MFHAS1: variants seen among roughly 807,000 people sequenced by gnomAD.
The protein encoded by MFHAS1 is malignant fibrous histiocytoma-amplified sequence 1.
In MFHAS1, 50 loss-of-function variants were observed where a neutral mutation model predicts 70.4. The observed-to-expected ratio is 0.71, with a 90% confidence interval of 0.57 to 0.90. MFHAS1 has a LOEUF of 0.90. Ranked by LOEUF, MFHAS1 falls within the 40% of genes least tolerant of loss-of-function variation. The probability of loss-of-function intolerance (pLI) is 0.00; values close to 1 mark genes in which losing one functional copy is unlikely to be tolerated. For synonymous variants in MFHAS1, 952 were observed against 620.0 expected (o/e 1.54, Z -7.96); for missense variants, 1,795 against 1,347.6 (o/e 1.33, Z -5.20).
intron 1 of MFHAS1, among the ~76,000 whole-genome samples, chr8:8,817,114 A>G (rs951447593): frequency 1.3e-5 from 2 of 152,218 alleles, no homozygotes; most frequent in African/African-American, 4.8e-5. Flanking sequence ...AGAAGCACAC[A>G]GCAATCTAGT....
intron 1 of MFHAS1, among the ~76,000 whole-genome samples, chr8:8,885,191 T>C (rs578028825): frequency 6.6e-6 from 1 of 152,116 alleles, no homozygotes; most frequent in East Asian, 1.9e-4. Context: ...CAGAAGACAT[T>C]TGGCATGAGA....
intron 1 of MFHAS1, among the ~76,000 whole-genome samples, chr8:8,867,039 G>C (rs966921633): frequency 6.6e-6 from 1 of 152,060 alleles, no homozygotes; most frequent in Non-Finnish European, 1.5e-5. Flanking sequence ...GAGATGGGTT[G>C]GTATGATCTA....
intron 1 of MFHAS1, among the ~76,000 whole-genome samples, chr8:8,833,043 C>T (rs1290741577): frequency 6.6e-6 from 1 of 152,026 alleles, no homozygotes; most frequent in African/African-American, 2.4e-5. Flanking sequence ...CAGAGGGCAA[C>T]GGGGGAGCAG....
At chr8:8,875,367 T>C (rs891419101) in intron 1 of MFHAS1, among the ~76,000 whole-genome samples, 1 of 152,232 alleles carries the variant, frequency 6.6e-6, no homozygotes, top group African/African-American at 2.4e-5. Context: ...CTTGATGTAC[T>C]ATTATGCAAG....
intron 1 of MFHAS1, among the ~76,000 whole-genome samples, chr8:8,883,853 T>C (rs930366196): frequency 6.6e-6 from 1 of 152,044 alleles, no homozygotes; most frequent in African/African-American, 2.4e-5. Flanking sequence ...CCCTCACCTC[T>C]TCACGGACAA....
At chr8:8,820,754 G>A (rs1365169594) in intron 1 of MFHAS1, among the ~76,000 whole-genome samples, 1 of 152,176 alleles carries the variant, frequency 6.6e-6, no homozygotes, top group Non-Finnish European at 1.5e-5. Context: ...GGGTGCCCCG[G>A]GAAAATCTCT....
chr8:8,841,786 T>C (rs1321535656), intron 1 of MFHAS1, among the ~76,000 whole-genome samples: 5 of 152,098 alleles, frequency 3.3e-5, no homozygotes, highest in Non-Finnish European at 7.4e-5. Context: ...AGAGTTTGGG[T>C]TGAACCAAAA....
intron 1 of MFHAS1, among the ~76,000 whole-genome samples, chr8:8,800,338 G>A (rs759955391): frequency 3.9e-5 from 6 of 152,152 alleles, no homozygotes; most frequent in African/African-American, 7.2e-5. Flanking sequence ...GCTAGGAAAA[G>A]ATCCTCAAAT....
intron 1 of MFHAS1, among the ~76,000 whole-genome samples, chr8:8,888,786 T>C (rs1415686846): frequency 6.6e-6 from 1 of 152,150 alleles, no homozygotes; most frequent in East Asian, 1.9e-4. Flanking sequence ...TACAGGTCAT[T>C]GGACATTTGT....
chr8:8,879,614 T>TC (rs201785684), intron 1 of MFHAS1, among the ~76,000 whole-genome samples: 54 of 152,086 alleles, frequency 3.6e-4, no homozygotes, highest in Non-Finnish European at 5.1e-4. Flanking sequence ...TAGGATCACA[T>TC]TTTTTTTCTG....
At chr8:8,827,395 G>C (rs924411261) in intron 1 of MFHAS1, among the ~76,000 whole-genome samples, 2 of 152,192 alleles carry the variant, frequency 1.3e-5, no homozygotes, top group African/African-American at 4.8e-5. Flanking sequence ...AACTCAATAT[G>C]TCTGTTTTCT....
In MFHAS1 at chr8:8,890,515, G is replaced by A. The variant is rs1051766628; in HGVS notation, c.2544C>T (p.Tyr848=). ...CGTTCTGCACATAGCATGGGAACTTGTACCAAGCTGTGGACCCATTCAAAG... is the reference window on the plus strand; with the variant it reads ...CGTTCTGCACATAGCATGGGAACTTATACCAAGCTGTGGACCCATTCAAAG... ...GKPLNGSTAW[Y]KFPCYVQNEV... is the part of the protein sequence containing the mutation. Residue 848 remains tyrosine, a synonymous_variant, in exon 1 of 3, where the codon TAC becomes TAT. Transcript: ENST00000276282. The A allele has an allele frequency of 1.2e-6, 2 of 1,613,554 alleles. No individual in the cohort carries two copies. Among genetic ancestry groups the A allele is most frequent in the Admixed American group, 1.7e-5 (1 of 60,034 alleles).
chr8:8,823,928 GT>G (rs1328324452), intron 1 of MFHAS1, among the ~76,000 whole-genome samples: 3 of 129,844 alleles, frequency 2.3e-5, no homozygotes, highest in African/African-American at 5.7e-5. Flanking sequence ...CTGTTACGCA[GT>G]TCTCTATCAC....
intron 2 of MFHAS1, among the ~76,000 whole-genome samples, chr8:8,787,423 A>G (rs1805591218): frequency 6.6e-6 from 1 of 152,184 alleles, no homozygotes; most frequent in Non-Finnish European, 1.5e-5. Flanking sequence ...AAAAGATGAA[A>G]TAACTTCCCC....
intron 1 of MFHAS1, among the ~76,000 whole-genome samples, chr8:8,865,933 C>G (rs1808838665): frequency 6.6e-6 from 1 of 152,220 alleles, no homozygotes; most frequent in South Asian, 2.1e-4. Flanking sequence ...CTCCACACCT[C>G]TCCTTGTTCA....
intron 1 of MFHAS1, among the ~76,000 whole-genome samples, chr8:8,819,694 G>A (rs1041029575): frequency 2.6e-5 from 4 of 151,632 alleles, no homozygotes; most frequent in Non-Finnish European, 5.9e-5. Flanking sequence ...GGACAGAACA[G>A]ACAACTTCCT....
chr8:8,813,234 CA>C (rs1321823701), intron 1 of MFHAS1, among the ~76,000 whole-genome samples: 1 of 151,924 alleles, frequency 6.6e-6, no homozygotes, highest in African/African-American at 2.4e-5. Context: ...CACTGCCAGT[CA>C]TAAAATGCTA....
At chr8:8,866,038 C>G (rs1485114769) in intron 1 of MFHAS1, among the ~76,000 whole-genome samples, 3 of 152,204 alleles carry the variant, frequency 2.0e-5, no homozygotes, top group Non-Finnish European at 4.4e-5. Flanking sequence ...AGCTGAAATC[C>G]TGGTTTCCCT....
At chr8:8,804,000 A>G (rs926559118) in intron 1 of MFHAS1, among the ~76,000 whole-genome samples, 4 of 152,074 alleles carry the variant, frequency 2.6e-5, no homozygotes, top group Non-Finnish European at 5.9e-5. Context: ...AAAATAAAGC[A>G]TCCGGGAGGA....
Sources: gnomAD v4.1 joint callset for allele counts (sites outside exome capture counted in the v4.1 genomes callset) on GRCh38, gnomAD v4.1.1 for gene constraint, MANE v1.5 for transcripts, NCBI Gene and HGNC (gene_info 2026-07-23, HGNC 2026-07-21) for gene names.